CACNA1S: variants seen among roughly 807,000 people sequenced by gnomAD.
CACNA1S encodes the protein voltage-dependent L-type calcium channel subunit alpha-1S.
In CACNA1S, 126 loss-of-function variants were observed where a neutral mutation model predicts 207.4. The ratio of observed to expected loss-of-function variants is 0.61; its 90% confidence interval spans 0.53 to 0.70. CACNA1S has a LOEUF of 0.70. Among genes scored for constraint, CACNA1S ranks in the 30% least tolerant of loss-of-function variants. CACNA1S has a pLI of 0.00. For synonymous variants in CACNA1S, 960 were observed against 932.7 expected (o/e 1.03, Z -0.53); for missense variants, 2,349 against 2,422.8 (o/e 0.97, Z 0.64).
chr1:201,104,796 T>C (rs946510607), intron 2 of CACNA1S, among the ~76,000 whole-genome samples: 1 of 152,230 alleles, frequency 6.6e-6, no homozygotes, highest in Non-Finnish European at 1.5e-5. Flanking sequence ...GTTTTTGCTT[T>C]TCCACATTGG....
chr1:201,101,038 T>C (rs1320369802), intron 2 of CACNA1S, among the ~76,000 whole-genome samples: 1 of 138,272 alleles, frequency 7.2e-6, no homozygotes, highest in Non-Finnish European at 1.6e-5. Flanking sequence ...TCCAAGCGTT[T>C]TACATTTCTT....
rs1558090893 is a variant in CACNA1S at position 201,110,251 on chromosome 1, G to C, written c.171C>G (p.Ile57Met). 6.2e-7 allele frequency: 1 copy of C among 1,614,266 alleles called. No individual in the cohort carries two copies. Among genetic ancestry groups the C allele is most frequent in the Non-Finnish European group, 8.5e-7 (1 of 1,180,036 alleles). ...CACAATTGGCAAAGATGGTGAGCAA[G>C]ATGATCGTCTCGAAGGGCCTGGAGC... The part of the protein sequence containing the change: ...IVEWKPFETI[I>M]LLTIFANCVA... Residue 57 changes from isoleucine (I) to methionine (M), a missense_variant, in exon 2 of 44, where the codon ATC becomes ATG. By Grantham distance (10) the Ile-to-Met change is conservative. Transcript: ENST00000362061.
At chr1:201,048,030 C>A (rs1344549538) in intron 36 of CACNA1S, among the ~76,000 whole-genome samples, 2 of 152,252 alleles carry the variant, frequency 1.3e-5, no homozygotes, top group Non-Finnish European at 2.9e-5. Context: ...ATGAAGCTCA[C>A]CCTGAGGTTG....
Position 201,047,205 on chromosome 1 carries a change from T to C in CACNA1S, c.4578A>G (p.Thr1526=). 6.2e-7 allele frequency: 1 copy of C among 1,614,188 alleles called. No homozygotes were observed. Among genetic ancestry groups the C allele is most frequent in the South Asian group, 1.1e-5 (1 of 91,086 alleles). ...TCCGGAAGTGCTCCTGGATGAGGAA[T>C]GTGGCGTAGAACTTCCCCACTGTCA... The part of the protein sequence containing the change: ...DEVTVGKFYA[T]FLIQEHFRKF... Residue 1526 remains threonine (T), a synonymous_variant, in exon 38 of 44, where the codon ACA becomes ACG. Coordinates refer to ENST00000362061, the MANE Select transcript of CACNA1S (RefSeq NM_000069.3).
At position 201,065,872 on chromosome 1, in the gene CACNA1S, A is replaced by G. The variant is rs1421774704; in HGVS notation, c.2819T>C (p.Phe940Ser). Reference sequence around the variant, plus strand: ...CTGGACGCCGATGCAGGCAAACATGAACTGTAGGAGGGTAGTGACCAGCAC... The same window carrying G: ...CTGGACGCCGATGCAGGCAAACATGGACTGTAGGAGGGTAGTGACCAGCAC... Reference protein sequence around the residue: ...NIVLVTTLLQFMFACIGVQLF... With the variant: ...NIVLVTTLLQSMFACIGVQLF... Residue 940 changes from phenylalanine to serine, a missense_variant, in exon 22 of 44, where the codon TTC becomes TCC. Physicochemically the swap from Phe to Ser is radical, Grantham distance 155. Transcript: ENST00000362061. The G allele has an allele frequency of 2.5e-6, 4 of 1,614,080 alleles. No homozygotes were observed. Among genetic ancestry groups the G allele is most frequent in the Non-Finnish European group, 3.4e-6 (4 of 1,179,960 alleles).
intron 28 of CACNA1S, among the ~76,000 whole-genome samples, chr1:201,056,040 A>AACAC (rs367570154): frequency 1.4e-5 from 2 of 145,466 alleles, no homozygotes; most frequent in African/African-American, 2.6e-5. Flanking sequence ...GGAAATACAC[A>AACAC]ACACACACAC....
At position 201,075,562 on chromosome 1, in the gene CACNA1S, G is replaced by A. The variant is rs145689664; in HGVS notation, c.1881C>T (p.Tyr627=). ...GCATGCCAGGGTAGGACGGCCCGCC[G>A]TAGGCCATGATCCCATTGTACATCA... ...TSMMYNGIMA[Y]GGPSYPGMLV... Residue 627 remains tyrosine (Y), a synonymous_variant, in exon 13 of 44, where the codon TAC becomes TAT. Coordinates refer to ENST00000362061, the MANE Select transcript of CACNA1S (RefSeq NM_000069.3). 45 of 1,613,872 alleles carry A rather than the reference G, an allele frequency of 2.8e-5. No homozygotes were observed. The highest frequency in any genetic ancestry group is 2.0e-4 in the African/African-American group (15 of 74,984).
Position 201,112,262 on chromosome 1 carries a change from C to T in CACNA1S, c.78G>A (p.Arg26=), listed in dbSNP as rs1663154229. The stretch of plus-strand genomic sequence containing the variant: ...TCAGGCAGAACAAGGCCCGGGGTGG[C>T]CTTGGCAGAATCTCAGGAACTGGCT... The part of the protein sequence containing the change: ...PKKPVPEILP[R]PPRALFCLTL... Residue 26 remains arginine, a synonymous_variant, in exon 1 of 44, where the codon AGG becomes AGA. Transcript: ENST00000362061. 3 of 1,613,972 alleles carry T rather than the reference C, an allele frequency of 1.9e-6. No homozygotes were observed. Among genetic ancestry groups the T allele is most frequent in the Non-Finnish European group, 2.5e-6 (3 of 1,179,986 alleles).
intron 24 of CACNA1S, 21 bp from the exon 25 acceptor site, chr1:201,061,489 G>C (rs774829218): frequency 4.3e-6 from 7 of 1,610,264 alleles, no homozygotes; most frequent in Non-Finnish European, 4.2e-6. Context: ...GCAGAGAAGA[G>C]AGGACAGACT....
rs1328898594 is a variant in CACNA1S, at chr1:201,061,929, C to T, written c.3053+15G>A. 1.2e-6 allele frequency: 2 copies of T among 1,613,860 alleles called. No homozygotes were observed. The highest frequency in any genetic ancestry group is 1.7e-6 in the Non-Finnish European group (2 of 1,179,880). ...ACCATGTCCATGAGGGACCTAGGCCCCAGCCATCACTCACTGAGGCCATCC... is the reference window on the plus strand; with the variant it reads ...ACCATGTCCATGAGGGACCTAGGCCTCAGCCATCACTCACTGAGGCCATCC... On this transcript the variant is annotated intron_variant, in intron 24 of 43. Coordinates refer to ENST00000362061, the MANE Select transcript of CACNA1S (RefSeq NM_000069.3).
chr1:201,084,939 C>CATCT lies in CACNA1S; in HGVS notation c.1232+10_1232+11insAGAT. 1 of 1,600,134 alleles carries CATCT rather than the reference C, an allele frequency of 6.2e-7. No individual in the cohort carries two copies. Among genetic ancestry groups the CATCT allele is most frequent in the Non-Finnish European group, 8.6e-7 (1 of 1,168,408 alleles). ...GGTTGGGGGTTCCTGGGGCAGTGGG[C>CATCT]AGATACTCACATGAACTGGATGATT... On this transcript the variant is annotated intron_variant, in intron 9 of 43. Coordinates refer to ENST00000362061, the MANE Select transcript of CACNA1S (RefSeq NM_000069.3).
intron 10 of CACNA1S, among the ~76,000 whole-genome samples, chr1:201,081,419 G>A (rs1172324210): frequency 1.3e-5 from 2 of 152,182 alleles, no homozygotes; most frequent in Non-Finnish European, 2.9e-5. Context: ...GTTGGAACTG[G>A]TCAGTCTTTT....
chr1:201,090,398 T>G (rs1444333973), intron 5 of CACNA1S, among the ~76,000 whole-genome samples: 6 of 152,134 alleles, frequency 3.9e-5, no homozygotes, highest in Non-Finnish European at 8.8e-5. Flanking sequence ...GGGAGGAGGC[T>G]GAAATGGGAG....
At chr1:201,092,139 G>T (rs1572062737) in intron 3 of CACNA1S, 25 bp from the exon 4 acceptor site, 2 of 1,613,972 alleles carry the variant, frequency 1.2e-6, no homozygotes, top group East Asian at 4.5e-5. Context: ...AGGGAGAGAG[G>T]GGGTCCAGGG....
chr1:201,040,950 A>G (rs1002820984), intron 41 of CACNA1S, among the ~76,000 whole-genome samples: 7 of 152,118 alleles, frequency 4.6e-5, no homozygotes, highest in African/African-American at 1.7e-4. Flanking sequence ...GGGAGAGGGG[A>G]TAAGGGCCAG....
chr1:201,066,780 TC>T lies in CACNA1S; in HGVS notation c.2657+106del. The T allele has an allele frequency of 1.2e-6, 1 of 836,800 alleles. No homozygotes were observed. Among genetic ancestry groups the T allele is most frequent in the Non-Finnish European group, 2.0e-6 (1 of 492,822 alleles). The allele number at this position is 836,800 out of a possible 1,614,324, so 51.8% of individuals were successfully genotyped here. ...CTCCATCGGAGGCCCCGAGAGACCC[TC>T]CTCTTGTGGCAGGGGCCCACCAACA... is the stretch of plus-strand genomic sequence containing the variant. On this transcript the variant is annotated intron_variant, in intron 20 of 43. Coordinates refer to ENST00000362061, the MANE Select transcript of CACNA1S (RefSeq NM_000069.3). The surrounding 1 kb of genome is among the most constrained non-coding windows in gnomAD (Gnocchi z 4.3).
chr1:201,112,241 G>A lies in CACNA1S; in HGVS notation c.99C>T (p.Cys33=), dbSNP rs377020349. 1.9e-6 allele frequency: 3 copies of A among 1,613,962 alleles called. No homozygotes were observed. Among genetic ancestry groups the A allele is most frequent in the South Asian group, 1.1e-5 (1 of 91,072 alleles). ...TCCTCAGGGGGTTCTCCAGGGTCAG[G>A]CAGAACAAGGCCCGGGGTGGCCTTG... The part of the protein sequence containing the change: ...ILPRPPRALF[C]LTLENPLRKA... Residue 33 remains cysteine, a synonymous_variant, in exon 1 of 44, where the codon TGC becomes TGT. Transcript: ENST00000362061.
Position 201,060,655 on chromosome 1 carries a change from T to A in CACNA1S, c.3414+3A>T, listed in dbSNP as rs892742196. On this transcript the variant is annotated splice_donor_region_variant and intron_variant, in intron 26 of 43. Coordinates refer to ENST00000362061, the MANE Select transcript of CACNA1S (RefSeq NM_000069.3). ...AGACATTTTTCTCCTGGGGAGCCCT[T>A]ACCTGCATGCCGAGGCAGATGGTGT... The A allele has an allele frequency of 2.5e-6, 4 of 1,614,066 alleles. No individual in the cohort carries two copies. Among genetic ancestry groups the A allele is most frequent in the Admixed American group, 3.3e-5 (2 of 59,996 alleles).
chr1:201,066,701 C>A lies in CACNA1S; in HGVS notation c.2657+186G>T, dbSNP rs1661253544. On this transcript the variant is annotated intron_variant, in intron 20 of 43. Coordinates refer to ENST00000362061, the MANE Select transcript of CACNA1S (RefSeq NM_000069.3). This position sits in a 1 kb window ranked among gnomAD's most constrained non-coding sequence, Gnocchi z 4.3. ...AGTCTCTAGAACAGAGCGCTGCCCA[C>A]TTCACTGGTGGCAACCCACATTCCA... 6.6e-6 allele frequency among the ~76,000 whole-genome samples: 1 copy of A among 152,238 alleles called. No individual in the cohort carries two copies. Among genetic ancestry groups the A allele is most frequent in the South Asian group, 2.1e-4 (1 of 4,834 alleles).
Sources: gnomAD v4.1 joint callset for allele counts (sites outside exome capture counted in the v4.1 genomes callset) on GRCh38, gnomAD v4.1.1 for gene constraint, Gnocchi (gnomAD v3.1) non-coding constraint, MANE v1.5 for transcripts, NCBI Gene and HGNC (gene_info 2026-07-23, HGNC 2026-07-21) for gene names.